Variants in NSUN6 observed in about 807,000 individuals in gnomAD.
The protein encoded by NSUN6 is NOP2/Sun RNA methyltransferase 6.
Under a neutral mutation model 58.0 loss-of-function variants are expected in NSUN6, and 64 were observed. That is an observed-to-expected ratio of 1.10 (90% CI 0.90 to 1.36). NSUN6 has a LOEUF of 1.36. Ranked by LOEUF, NSUN6 falls within the 40% of genes most tolerant of loss-of-function variation. The pLI, the probability that NSUN6 is intolerant of heterozygous loss-of-function variation, is 0.00. For missense variants in NSUN6, 701 were observed against 550.1 expected, an observed-to-expected ratio of 1.27 and a Z score of -2.74; for synonymous variants, 231 against 193.9, an observed-to-expected ratio of 1.19 and a Z score of -1.59.
intron 6 of NSUN6, among the ~76,000 whole-genome samples, chr10:18,596,559 A>G (rs756412920): frequency 4.6e-5 from 7 of 152,024 alleles, no homozygotes; most frequent in Non-Finnish European, 8.8e-5. Context: ...ACATGACACA[A>G]TTTTCAAGTC....
At chr10:18,556,887 G>A (rs2055068122) in intron 8 of NSUN6, among the ~76,000 whole-genome samples, 1 of 150,788 alleles carries the variant, frequency 6.6e-6, no homozygotes, top group East Asian at 2.0e-4. Flanking sequence ...AGAAAGGAAG[G>A]GAATGGAATG....
chr10:18,575,235 T>C (rs902567314), intron 8 of NSUN6, among the ~76,000 whole-genome samples: 3 of 152,178 alleles, frequency 2.0e-5, no homozygotes, highest in African/African-American at 4.8e-5. Flanking sequence ...AAACAGGTTA[T>C]AAATAGTTGC....
At position 18,609,981 on chromosome 10, in the gene NSUN6, C is replaced by G. The variant is rs1236142272; in HGVS notation, c.576-55G>C. The G allele has an allele frequency of 4.7e-6, 5 of 1,059,362 alleles. No homozygotes were observed. In the African/African-American group the frequency reaches 7.8e-5, roughly 17 times the overall value. The allele number at this position is 1,059,362 out of a possible 1,614,324, so 65.6% of individuals were successfully genotyped here. A position where few individuals can be genotyped will look rare whatever the true frequency, so the allele number is the denominator to read the frequency against. ...GTATAAATTCCATGGTCTATACAAA[C>G]TATGTTTCCAGAAACGTTCTCCAAT... On this transcript the variant is annotated intron_variant, in intron 5 of 10. Coordinates refer to ENST00000377304, the MANE Select transcript of NSUN6 (RefSeq NM_182543.5).
At chr10:18,559,714 AAATGGAATGGACAATGG>A (rs1010510303) in intron 8 of NSUN6, among the ~76,000 whole-genome samples, 12 of 149,638 alleles carry the variant, frequency 8.0e-5, no homozygotes, top group South Asian at 4.2e-4. Context: ...ATGAAGAATG[AAATGGAATGGACAATGG>A]AATGGAATGG....
At chr10:18,548,916 T>A (rs1330872880) in intron 9 of NSUN6, among the ~76,000 whole-genome samples, 2 of 152,148 alleles carry the variant, frequency 1.3e-5, no homozygotes, top group Admixed American at 6.6e-5. Context: ...TCCTATTGGC[T>A]CTACCTTCAC....
At chr10:18,598,566 G>A (rs894660756) in intron 6 of NSUN6, among the ~76,000 whole-genome samples, 4 of 152,214 alleles carry the variant, frequency 2.6e-5, no homozygotes, top group South Asian at 2.1e-4. Flanking sequence ...CAACCACCTG[G>A]GCTCAATCAA....
chr10:18,615,128 T>C (rs10829017), intron 4 of NSUN6, among the ~76,000 whole-genome samples: 71,885 of 147,840 alleles, frequency 0.49, 18,027 homozygotes, highest in East Asian at 0.72. Flanking sequence ...TATATATATA[T>C]ACACACACAT....
At chr10:18,652,366 A>C, upstream of NSUN6, 1 of 983,314 alleles carries the variant, frequency 1.0e-6, no homozygotes, top group Non-Finnish European at 1.2e-6. Flanking sequence ...GCAGCACACC[A>C]TGGTAATTTA....
chr10:18,651,049 T>C (rs934697133), intron 1 of NSUN6, 80 bp downstream of exon 1: 52 of 1,539,144 alleles, frequency 3.4e-5, no homozygotes, highest in Non-Finnish European at 4.3e-5. Flanking sequence ...GATTTCCCTT[T>C]ATACTTATTT....
upstream of NSUN6, chr10:18,653,207 A>G (rs1182457317): frequency 3.0e-6 from 3 of 984,650 alleles, no homozygotes. Context: ...TTATCACACC[A>G]CTATGTACCC....
chr10:18,594,802 T>C (rs993430180), intron 7 of NSUN6, among the ~76,000 whole-genome samples: 3 of 152,214 alleles, frequency 2.0e-5, no homozygotes, highest in African/African-American at 7.2e-5. Context: ...ATATTCACTC[T>C]TCACCAGATA....
chr10:18,591,566 C>T (rs1399795604), intron 7 of NSUN6, among the ~76,000 whole-genome samples: 1 of 152,180 alleles, frequency 6.6e-6, no homozygotes. Context: ...GCTGATTCAA[C>T]ACACTCAAAT....
At chr10:18,606,320 A>G (rs2058045745) in intron 6 of NSUN6, among the ~76,000 whole-genome samples, 1 of 128,064 alleles carries the variant, frequency 7.8e-6, no homozygotes, top group Admixed American at 8.2e-5. Context: ...GCCTAGATGA[A>G]GCCAAAATGA....
chr10:18,645,864 T>C (rs1209320941), intron 2 of NSUN6, among the ~76,000 whole-genome samples: 1 of 152,212 alleles, frequency 6.6e-6, no homozygotes, highest in African/African-American at 2.4e-5. Flanking sequence ...CTTCTCCATA[T>C]TGTCACCAGC....
At chr10:18,548,039 C>T in intron 10 of NSUN6, 73 bp downstream of exon 10, 4 of 1,432,156 alleles carry the variant, frequency 2.8e-6, no homozygotes, top group Non-Finnish European at 3.9e-6. Flanking sequence ...TCTTCGTTAA[C>T]ACCCTGATTA....
intron 1 of NSUN6, among the ~76,000 whole-genome samples, chr10:18,650,175 T>G (rs2059663283): frequency 6.6e-6 from 1 of 152,142 alleles, no homozygotes; most frequent in South Asian, 2.1e-4. Context: ...AAGACTTACA[T>G]GCCAAAACAA....
Position 18,642,416 on chromosome 10 carries a change from G to T in NSUN6, c.311+60C>A. ...AGTATTATCACTGAACAATTAAAAAGCTCCCTGTGACAAACTTTTATTGAG... is the reference window on the plus strand; with the variant it reads ...AGTATTATCACTGAACAATTAAAAATCTCCCTGTGACAAACTTTTATTGAG... On this transcript the variant is annotated intron_variant, in intron 3 of 10. Transcript: ENST00000377304. 3 of 815,582 alleles carry T rather than the reference G, an allele frequency of 3.7e-6. No individual in the cohort carries two copies. The South Asian group carries it at 4.4e-5, about 12-fold the overall frequency. 50.5% of individuals were successfully genotyped at this position (815,582 alleles called of 1,614,324 possible). A position where few individuals can be genotyped will look rare whatever the true frequency, so the allele number is the denominator to read the frequency against.
At chr10:18,622,309 A>C (rs1038708907) in intron 3 of NSUN6, among the ~76,000 whole-genome samples, 2 of 152,184 alleles carry the variant, frequency 1.3e-5, no homozygotes, top group African/African-American at 4.8e-5. Flanking sequence ...ATCGCAGAAG[A>C]GGGCACTCAC....
At position 18,562,322 on chromosome 10, in the gene NSUN6, T is replaced by C. The variant is rs114960789; in HGVS notation, c.923-10351A>G. Reference sequence around the variant, plus strand: ...ACGGAGAATGGAATGGAATGCAGAATGGAATGGATTGCAGAATGGAATGGA... The same window carrying C: ...ACGGAGAATGGAATGGAATGCAGAACGGAATGGATTGCAGAATGGAATGGA... On this transcript the variant is annotated intron_variant, in intron 8 of 10. Transcript: ENST00000377304. Among the ~76,000 whole-genome samples the C allele has an allele frequency of 1.4e-3, 206 of 148,688 alleles. 6 individuals carry two copies. The highest frequency in any genetic ancestry group is 5.0e-3 in the African/African-American group (198 of 39,912).
Sources: allele counts gnomAD v4.1 joint callset (sites outside exome capture counted in the v4.1 genomes callset), GRCh38; gene constraint gnomAD v4.1.1; transcripts MANE v1.5; gene names NCBI Gene and HGNC (gene_info 2026-07-23, HGNC 2026-07-21).